The following CNKSR3 variants were observed in gnomAD, a reference collection of about 807,000 sequenced individuals.
The protein encoded by CNKSR3 is CNKSR family member 3.
A neutral mutation model predicts 67.7 loss-of-function variants in CNKSR3; 36 were observed. The ratio of observed to expected loss-of-function variants is 0.53; its 90% CI spans 0.41 to 0.70. The LOEUF (loss-of-function observed/expected upper bound fraction) is 0.70, where lower values mean the gene tolerates loss of function less well. Ranked by LOEUF, CNKSR3 falls within the 30% of genes least tolerant of loss-of-function variation. The probability of loss-of-function intolerance (pLI) is 0.00; values close to 1 mark genes in which losing one functional copy is unlikely to be tolerated. For missense variants in CNKSR3, 630 were observed against 695.2 expected, an observed-to-expected ratio of 0.91 and a Z score of 1.05; for synonymous variants, 281 against 271.4, an observed-to-expected ratio of 1.04 and a Z score of -0.35.
chr6:154,422,112 C>G (rs1039203776), intron 9 of CNKSR3, among the ~76,000 whole-genome samples: 3 of 151,958 alleles, frequency 2.0e-5, no homozygotes, highest in African/African-American at 7.3e-5. Context: ...CCTGCCTCAG[C>G]CTCCCCAGCA....
rs987317407 is a variant in CNKSR3 at position 154,424,248 on chromosome 6, A to G, written c.730-1265T>C. Among the ~76,000 whole-genome samples, 805 of 130,180 alleles carry G rather than the reference A, an allele frequency of 6.2e-3. 9 individuals carry two copies. The highest frequency in any genetic ancestry group is 0.028 in the African/African-American group (760 of 26,690). 85.4% of individuals were successfully genotyped at this position (130,180 alleles called of 152,430 possible). A position where few individuals can be genotyped will look rare whatever the true frequency, so the allele number is the denominator to read the frequency against. ...TCCGTCTCAAAAAAAAAAAAAAAAA[A>G]GAAAAGAAAAAAGAAATATAAAGGG... On this transcript the variant is annotated intron_variant, in intron 7 of 12. Transcript: ENST00000607772.
chr6:154,476,559 A>G (rs1786456610), intron 1 of CNKSR3, among the ~76,000 whole-genome samples: 2 of 152,148 alleles, frequency 1.3e-5, no homozygotes, highest in African/African-American at 4.8e-5. Flanking sequence ...AAGAGAGACA[A>G]GTTTAGTAAA....
In CNKSR3 at chr6:154,406,239, A is replaced by T; in HGVS notation, c.*115T>A. ...CAGTAGATAACTTTTCAAAAGAAAAAGAAATTGCATAAGGTCCCTACATAA... is the reference window on the plus strand; with the variant it reads ...CAGTAGATAACTTTTCAAAAGAAAATGAAATTGCATAAGGTCCCTACATAA... On this transcript the variant is annotated 3_prime_UTR_variant, in exon 13 of 13. Coordinates refer to ENST00000607772, the MANE Select transcript of CNKSR3 (RefSeq NM_173515.4). 4 of 980,904 alleles carry T rather than the reference A, an allele frequency of 4.1e-6. No homozygotes were observed. The highest frequency in any genetic ancestry group is 4.5e-6 in the Non-Finnish European group (3 of 672,816). The allele number at this position is 980,904 out of a possible 1,614,324, so 60.8% of individuals were successfully genotyped here.
Position 154,441,319 on chromosome 6 carries a change from G to T in CNKSR3, c.480C>A (p.Cys160Ter). The change falls in exon 4 of 13, where the codon TGC becomes TGA. Residue 160 changes from cysteine to a stop codon, truncating the protein, a stop_gained. Coordinates refer to ENST00000607772, the MANE Select transcript of CNKSR3 (RefSeq NM_173515.4). LOFTEE classifies it high-confidence loss of function. ...SVTKNKIIQL[C>*]LDLTTTVQKD... ...TCTGGACTGTAGTGGTCAGGTCCAA[G>T]CAAAGCTGGATAATTTTGTTCTTCG... 1 of 1,611,048 alleles carries T rather than the reference G, an allele frequency of 6.2e-7. No individual in the cohort carries two copies.
rs71021052 is a variant in CNKSR3, at chr6:154,390,798, C to CTTTTTTTTT, written c.*15547_*15555dup. ...TCAGCAGCACTGGTTTCTTCTGAGG[C>CTTTTTTTTT]TTTTTTTTTTTTTTTTTTTTGAGAT... On this transcript the variant is annotated 3_prime_UTR_variant, in exon 13 of 13. Coordinates refer to ENST00000607772, the MANE Select transcript of CNKSR3 (RefSeq NM_173515.4). 1.9e-5 allele frequency: 2 copies of CTTTTTTTTT among 103,052 alleles called. No homozygotes were observed. The highest frequency in any genetic ancestry group is 1.9e-5 in the Non-Finnish European group (1 of 53,992). The allele number at this position is 103,052 out of a possible 1,614,324, so 6.4% of individuals were successfully genotyped here. A position where few individuals can be genotyped will look rare whatever the true frequency, so the allele number is the denominator to read the frequency against.
intron 7 of CNKSR3, 126 bp from the exon 8 acceptor site, chr6:154,423,109 A>G: frequency 1.6e-6 from 1 of 629,360 alleles, no homozygotes; most frequent in South Asian, 2.3e-5. Flanking sequence ...AAATAAAACA[A>G]TGCACTTTAT....
chr6:154,444,641 CT>C (rs201609059), intron 2 of CNKSR3, among the ~76,000 whole-genome samples: 3,331 of 147,498 alleles, frequency 0.023, 138 homozygotes, highest in African/African-American at 0.079. Context: ...GAGTTTCACT[CT>C]GTCACCAGGC....
chr6:154,442,951 G>A (rs1785632461), intron 2 of CNKSR3, among the ~76,000 whole-genome samples: 1 of 151,936 alleles, frequency 6.6e-6, no homozygotes, highest in Non-Finnish European at 1.5e-5. Flanking sequence ...GTACAGTGGT[G>A]CCATCTCAGC....
intron 12 of CNKSR3, 70 bp from the exon 13 acceptor site, chr6:154,406,722 C>A: frequency 7.1e-7 from 1 of 1,407,036 alleles, no homozygotes; most frequent in Non-Finnish European, 9.7e-7. Flanking sequence ...GTAATCTCCG[C>A]ACTTTGGGAG....
chr6:154,509,563 A>C (rs1787171320), intron 1 of CNKSR3, among the ~76,000 whole-genome samples: 1 of 152,078 alleles, frequency 6.6e-6, no homozygotes, highest in Non-Finnish European at 1.5e-5. Context: ...ACAAAAACAG[A>C]CAGGCTCGGC....
chr6:154,415,116 A>AAAAAAAC (rs1562321211), intron 9 of CNKSR3, among the ~76,000 whole-genome samples: 1,620 of 144,264 alleles, frequency 0.011, 20 homozygotes, highest in African/African-American at 0.035. Flanking sequence ...AAAAAAAAAA[A>AAAAAAAC]AAAAAACAAG....
rs1784657854 is a variant in CNKSR3 at position 154,396,010 on chromosome 6, C to T, written c.*10344G>A. The T allele has an allele frequency of 1.3e-5, 2 of 152,444 alleles. No individual in the cohort carries two copies. Among genetic ancestry groups the T allele is most frequent in the Middle Eastern group, 6.8e-3 (2 of 294 alleles). The allele number at this position is 152,444 out of a possible 1,614,324, so 9.4% of individuals were successfully genotyped here. ...CCTCCCAAAATGCTGAGATTACAGGCATGAGCCAACTGTGCCCAGCCAGCC... is the reference window on the plus strand; with the variant it reads ...CCTCCCAAAATGCTGAGATTACAGGTATGAGCCAACTGTGCCCAGCCAGCC... On this transcript the variant is annotated 3_prime_UTR_variant, in exon 13 of 13. Transcript: ENST00000607772.
intron 6 of CNKSR3, among the ~76,000 whole-genome samples, chr6:154,429,664 C>T (rs1235274714): frequency 6.6e-6 from 1 of 152,150 alleles, no homozygotes; most frequent in Non-Finnish European, 1.5e-5. Context: ...GCAGAGACTG[C>T]CTTAACAGCT....
intron 4 of CNKSR3, among the ~76,000 whole-genome samples, chr6:154,436,209 T>C (rs1478413940): frequency 6.6e-6 from 1 of 152,210 alleles, no homozygotes; most frequent in Non-Finnish European, 1.5e-5. Context: ...TCTCACTGTG[T>C]CACCCAGGCT....
intron 1 of CNKSR3, among the ~76,000 whole-genome samples, chr6:154,457,740 T>C (rs1785989138): frequency 3.3e-5 from 5 of 152,208 alleles, no homozygotes; most frequent in Admixed American, 2.0e-4. Context: ...GTGGTGGCCA[T>C]GCTCACTCCC....
Position 154,396,217 on chromosome 6 carries a change from T to G in CNKSR3, c.*10137A>C, listed in dbSNP as rs757723891. Reference sequence around the variant, plus strand: ...CTGTACGAGCTTTAAATGAGTTCTTTGTGGACTTCGGAAAGTGCTTACATT... The same window carrying G: ...CTGTACGAGCTTTAAATGAGTTCTTGGTGGACTTCGGAAAGTGCTTACATT... On this transcript the variant is annotated 3_prime_UTR_variant, in exon 13 of 13. Coordinates refer to ENST00000607772, the MANE Select transcript of CNKSR3 (RefSeq NM_173515.4). 6 of 152,246 alleles carry G rather than the reference T, an allele frequency of 3.9e-5. No homozygotes were observed. The highest frequency in any genetic ancestry group is 5.9e-5 in the Non-Finnish European group (4 of 68,048). 9.4% of individuals were successfully genotyped at this position (152,246 alleles called of 1,614,324 possible). A position where few individuals can be genotyped will look rare whatever the true frequency, so the allele number is the denominator to read the frequency against.
chr6:154,449,989 A>T, intron 2 of CNKSR3, 106 bp downstream of exon 2: 1 of 1,051,514 alleles, frequency 9.5e-7, no homozygotes, highest in Non-Finnish European at 1.4e-6. Context: ...ATTTTGATGG[A>T]GCATTAAGGA....
chr6:154,423,086 A>G, intron 7 of CNKSR3, 103 bp from the exon 8 acceptor site: 2 of 762,788 alleles, frequency 2.6e-6, no homozygotes, highest in African/African-American at 3.5e-5. Context: ...CTGAAATAAC[A>G]TTTTCTCAGG....
intron 1 of CNKSR3, among the ~76,000 whole-genome samples, chr6:154,488,667 C>A (rs1786725181): frequency 6.6e-6 from 1 of 152,052 alleles, no homozygotes; most frequent in Non-Finnish European, 1.5e-5. Context: ...AAAAAAGTTA[C>A]AAAACACAAT....
Sources: gnomAD v4.1 joint callset for allele counts (sites outside exome capture counted in the v4.1 genomes callset) on GRCh38, gnomAD v4.1.1 for gene constraint, MANE v1.5 for transcripts, NCBI Gene and HGNC (gene_info 2026-07-23, HGNC 2026-07-21) for gene names.